Variants in DPYSL2 observed in about 807,000 individuals in gnomAD.
DPYSL2 encodes the protein dihydropyrimidinase like 2.
DPYSL2 carries 13 observed loss-of-function variants against 69.9 expected under a neutral mutation model. The ratio of observed to expected loss-of-function variants is 0.19; its 90% CI spans 0.12 to 0.30. The LOEUF (loss-of-function observed/expected upper bound fraction) is 0.30. DPYSL2 is among the 10% of genes least tolerant of loss of function. The pLI, the probability that DPYSL2 is intolerant of heterozygous loss-of-function variation, is 1.00. For synonymous variants in DPYSL2, 326 were observed against 359.1 expected (o/e 0.91, Z 1.04); for missense variants, 587 against 918.9 (o/e 0.64, Z 4.67).
At chr8:26,628,520 G>A (rs116177850) in intron 7 of DPYSL2, among the ~76,000 whole-genome samples, 191 of 152,324 alleles carry the variant, frequency 1.3e-3, no homozygotes, top group African/African-American at 4.3e-3. Context: ...GGGTGCACAC[G>A]TCTTAGGTAA....
chr8:26,656,745 T>C lies in DPYSL2; in HGVS notation c.*1039T>C, dbSNP rs1048914398. ...CATCATGAGGATGTGTGCTAGAGTGTGGGACCCTGGCCAAGTGCAGGAATG... is the reference window on the plus strand; with the variant it reads ...CATCATGAGGATGTGTGCTAGAGTGCGGGACCCTGGCCAAGTGCAGGAATG... On this transcript the variant is annotated 3_prime_UTR_variant, in exon 14 of 14. Transcript: ENST00000521913. 1 of 152,720 alleles carries C rather than the reference T, an allele frequency of 6.5e-6. No homozygotes were observed. The highest frequency in any genetic ancestry group is 2.4e-5 in the African/African-American group (1 of 41,432). The allele number at this position is 152,720 out of a possible 1,614,324, so 9.5% of individuals were successfully genotyped here.
intron 11 of DPYSL2, among the ~76,000 whole-genome samples, chr8:26,651,279 C>T (rs971112719): frequency 9.9e-5 from 15 of 152,222 alleles, no homozygotes; most frequent in South Asian, 2.1e-4. Flanking sequence ...TGGCCGAATC[C>T]GTGTTACCAG....
At chr8:26,601,241 G>A (rs1313481914) in intron 3 of DPYSL2, among the ~76,000 whole-genome samples, 3 of 152,152 alleles carry the variant, frequency 2.0e-5, no homozygotes, top group Admixed American at 6.5e-5. Context: ...TGAGAGCATC[G>A]CAGAAGGGAG....
At chr8:26,639,918 G>A (rs1382131430) in intron 8 of DPYSL2, among the ~76,000 whole-genome samples, 2 of 152,176 alleles carry the variant, frequency 1.3e-5, no homozygotes, top group Non-Finnish European at 2.9e-5. Context: ...TTAAGATGAT[G>A]TTCTTCTAGA....
chr8:26,514,234 G>C lies in DPYSL2; in HGVS notation c.-92G>C. On this transcript the variant is annotated 5_prime_UTR_variant, in exon 1 of 14. Transcript: ENST00000521913. The surrounding 1 kb of genome is among the most constrained non-coding windows in gnomAD (Gnocchi z 8.4). ...TGGGCGGCGAACGGCAGCCGCGGCA[G>C]CAGCTAGGGGGCTTGTGCACACAGC... 2 of 1,143,576 alleles carry C rather than the reference G, an allele frequency of 1.7e-6. No homozygotes were observed. Among genetic ancestry groups the C allele is most frequent in the Non-Finnish European group, 1.2e-6 (1 of 869,258 alleles). 70.8% of individuals were successfully genotyped at this position (1,143,576 alleles called of 1,614,324 possible). A position where few individuals can be genotyped will look rare whatever the true frequency, so the allele number is the denominator to read the frequency against.
rs912359630 is a variant in DPYSL2 at position 26,628,021 on chromosome 8, G to T, written c.1005+81G>T. 89 of 1,401,068 alleles carry T rather than the reference G, an allele frequency of 6.4e-5. 1 individual carries two copies. In the Admixed American group the frequency reaches 1.4e-3, roughly 23 times the overall value. 86.8% of individuals were successfully genotyped at this position (1,401,068 alleles called of 1,614,324 possible). ...GCCTCAGGGAACCTGCTTCCTGCCT[G>T]TTGAGAAGGGGGCTTCTCTGATGCT... On this transcript the variant is annotated intron_variant, in intron 7 of 13. Coordinates refer to ENST00000521913, the MANE Select transcript of DPYSL2 (RefSeq NM_001197293.3).
intron 7 of DPYSL2, among the ~76,000 whole-genome samples, chr8:26,629,672 A>T (rs1563417530): frequency 6.6e-6 from 1 of 152,252 alleles, no homozygotes; most frequent in Non-Finnish European, 1.5e-5. Flanking sequence ...GTGGACAGTG[A>T]TTGCAGGGGA....
intron 1 of DPYSL2, among the ~76,000 whole-genome samples, chr8:26,572,519 A>T (rs1286086210): frequency 1.3e-5 from 2 of 151,988 alleles, no homozygotes; most frequent in East Asian, 3.9e-4. Flanking sequence ...TTTGTTTTTG[A>T]GAAGGAATCT....
chr8:26,579,496 T>A (rs1801437765), intron 1 of DPYSL2, among the ~76,000 whole-genome samples: 1 of 152,202 alleles, frequency 6.6e-6, no homozygotes, highest in Admixed American at 6.5e-5. Flanking sequence ...GAAAGAGCCT[T>A]TTAAAGCAGT....
At chr8:26,568,658 G>A (rs1335478665) in intron 1 of DPYSL2, among the ~76,000 whole-genome samples, 1 of 152,188 alleles carries the variant, frequency 6.6e-6, no homozygotes, top group Non-Finnish European at 1.5e-5. Flanking sequence ...GTTTTTGGAT[G>A]AGTGAGCAGT....
chr8:26,636,542 C>G (rs573418476), intron 8 of DPYSL2, among the ~76,000 whole-genome samples: 1 of 152,172 alleles, frequency 6.6e-6, no homozygotes, highest in South Asian at 2.1e-4. Context: ...AATGAGAAGA[C>G]GGAGGGGTCC....
intron 1 of DPYSL2, among the ~76,000 whole-genome samples, chr8:26,530,665 A>G (rs1172199473): frequency 6.6e-6 from 1 of 152,116 alleles, no homozygotes; most frequent in Non-Finnish European, 1.5e-5. Context: ...CTGTGAGGAA[A>G]CCGTTCCGAT....
Position 26,597,365 on chromosome 8 carries a change from A to G in DPYSL2, c.628+13382A>G, listed in dbSNP as rs978106181. On this transcript the variant is annotated intron_variant, in intron 3 of 13. Transcript: ENST00000521913. The surrounding 1 kb of genome is among the most constrained non-coding windows in gnomAD (Gnocchi z 5.2). Reference sequence around the variant, plus strand: ...GTTGCCTTGCCCTTGCCTGGCACTCATCTTTTGCATTTCTCTGAATCGCTT... The same window carrying G: ...GTTGCCTTGCCCTTGCCTGGCACTCGTCTTTTGCATTTCTCTGAATCGCTT... Among the ~76,000 whole-genome samples, 6 of 152,346 alleles carry G rather than the reference A, an allele frequency of 3.9e-5. No homozygotes were observed. Among genetic ancestry groups the G allele is most frequent in the Admixed American group, 1.3e-4 (2 of 15,306 alleles).
rs140432426 is a variant in DPYSL2, at chr8:26,635,393, A to G, written c.1126+493A>G. On this transcript the variant is annotated intron_variant, in intron 8 of 13. Coordinates refer to ENST00000521913, the MANE Select transcript of DPYSL2 (RefSeq NM_001197293.3). ...GGTGCTTGATAAACTCTCTTGATGC[A>G]TTCTGAACTGGGGCTGGGTCTCTGG... Among the ~76,000 whole-genome samples, 250 of 152,250 alleles carry G rather than the reference A, an allele frequency of 1.6e-3. 4 individuals carry two copies. In the East Asian group the frequency reaches 0.023, roughly 14 times the overall value.
In DPYSL2 at chr8:26,588,696, G is replaced by T. The variant is rs1208045142; in HGVS notation, c.628+4713G>T. Among the ~76,000 whole-genome samples, 2 of 152,124 alleles carry T rather than the reference G, an allele frequency of 1.3e-5. No homozygotes were observed. Among genetic ancestry groups the T allele is most frequent in the East Asian group, 3.9e-4 (2 of 5,182 alleles). On this transcript the variant is annotated intron_variant, in intron 3 of 13. Coordinates refer to ENST00000521913, the MANE Select transcript of DPYSL2 (RefSeq NM_001197293.3). The surrounding 1 kb of genome is among the most constrained non-coding windows in gnomAD (Gnocchi z 5.4). ...GCCCTCCCTCCTGAGTACCAGCCTT[G>T]TCACTTCTCCCCTGGCTGTGGCTCC...
rs915971838 is a variant in DPYSL2, at chr8:26,620,581, C to T, written c.629-3562C>T. Among the ~76,000 whole-genome samples, 1 of 152,090 alleles carries T rather than the reference C, an allele frequency of 6.6e-6. No homozygotes were observed. Among genetic ancestry groups the T allele is most frequent in the Non-Finnish European group, 1.5e-5 (1 of 68,030 alleles). On this transcript the variant is annotated intron_variant, in intron 3 of 13. Transcript: ENST00000521913. The surrounding 1 kb of genome is among the most constrained non-coding windows in gnomAD (Gnocchi z 4.5). Reference sequence around the variant, plus strand: ...TGAATGGAGCAAAATAGCCCAGGAACAGAACCTGGTATTGTCTCTCTGTAA... The same window carrying T: ...TGAATGGAGCAAAATAGCCCAGGAATAGAACCTGGTATTGTCTCTCTGTAA...
In DPYSL2 at chr8:26,640,404, G is replaced by T. The variant is rs150995140; in HGVS notation, c.1127-3035G>T. 5.6e-4 allele frequency among the ~76,000 whole-genome samples: 85 copies of T among 152,346 alleles called. No individual in the cohort carries two copies. The highest frequency in any genetic ancestry group is 2.0e-3 in the African/African-American group (82 of 41,578). ...AGATAGCATCAGCAGTGTATTTAGA[G>T]AAGTGCAGAAGGGCCAATTAAGCCC... On this transcript the variant is annotated intron_variant, in intron 8 of 13. Coordinates refer to ENST00000521913, the MANE Select transcript of DPYSL2 (RefSeq NM_001197293.3). The surrounding 1 kb of genome is among the most constrained non-coding windows in gnomAD (Gnocchi z 4.2).
rs911290819 is a variant in DPYSL2, at chr8:26,571,410, C to T, written c.355-10559C>T. On this transcript the variant is annotated intron_variant, in intron 1 of 13. Coordinates refer to ENST00000521913, the MANE Select transcript of DPYSL2 (RefSeq NM_001197293.3). The surrounding 1 kb of genome is among the most constrained non-coding windows in gnomAD (Gnocchi z 6.1). ...GGGGACCACGTGCACACTCTTTGTT[C>T]GCCACCAGAGGGCAGGCCTGAGGCA... 6.6e-6 allele frequency among the ~76,000 whole-genome samples: 1 copy of T among 152,106 alleles called. No homozygotes were observed. The highest frequency in any genetic ancestry group is 2.4e-5 in the African/African-American group (1 of 41,426).
chr8:26,518,603 C>A (rs1585484676), intron 1 of DPYSL2, among the ~76,000 whole-genome samples: 1 of 152,184 alleles, frequency 6.6e-6, no homozygotes, highest in Non-Finnish European at 1.5e-5. Flanking sequence ...ACCAACTTCT[C>A]ATTCCACCTC....
Sources: allele counts gnomAD v4.1 joint callset (sites outside exome capture counted in the v4.1 genomes callset), GRCh38; gene constraint gnomAD v4.1.1; non-coding constraint Gnocchi (gnomAD v3.1); transcripts MANE v1.5; gene names NCBI Gene and HGNC (gene_info 2026-07-23, HGNC 2026-07-21).